TRHDE: variants seen among roughly 807,000 people sequenced by gnomAD.
TRHDE encodes the protein thyrotropin releasing hormone degrading enzyme.
In TRHDE, 72 loss-of-function variants were observed where a neutral mutation model predicts 125.7. That is an observed-to-expected ratio of 0.57 (90% confidence interval 0.47 to 0.70). TRHDE has a LOEUF of 0.70. Ranked by LOEUF, TRHDE falls within the 30% of genes least tolerant of loss-of-function variation. The probability of loss-of-function intolerance (pLI) is 0.00; values close to 1 mark genes in which losing one functional copy is unlikely to be tolerated. For missense variants in TRHDE, 1,110 were observed against 1,327.1 expected, an observed-to-expected ratio of 0.84 and a Z score of 2.54; for synonymous variants, 509 against 509.1, an observed-to-expected ratio of 1.00 and a Z score of 0.00.
At chr12:72,185,823 A>G (rs1877196526) in intron 2 of TRHDE, among the ~76,000 whole-genome samples, 1 of 151,628 alleles carries the variant, frequency 6.6e-6, no homozygotes, top group Non-Finnish European at 1.5e-5. Flanking sequence ...TTGTAAATAC[A>G]CCAATCAGCA....
chr12:72,518,123 T>C lies in TRHDE; in HGVS notation c.1722+18488T>C, dbSNP rs1161098709. ...GTGCTGAAAAAAATGTATATTCTGT[T>C]GATTTGGGGTGGAGAGTACTGTAGA... is the stretch of plus-strand genomic sequence containing the variant. On this transcript the variant is annotated intron_variant, in intron 6 of 18. Coordinates refer to ENST00000261180, the MANE Select transcript of TRHDE (RefSeq NM_013381.3). 3.3e-5 allele frequency among the ~76,000 whole-genome samples: 5 copies of C among 150,818 alleles called. 1 individual carries two copies. In the South Asian group the frequency reaches 6.3e-4, roughly 19 times the overall value.
At chr12:72,457,870 T>A (rs770914286) in intron 3 of TRHDE, among the ~76,000 whole-genome samples, 10 of 152,202 alleles carry the variant, frequency 6.6e-5, no homozygotes, top group Non-Finnish European at 1.3e-4. Context: ...TTTCAAGAGT[T>A]AGGAATGGTC....
intron 2 of TRHDE, among the ~76,000 whole-genome samples, chr12:72,151,971 G>A (rs1297346766): frequency 6.6e-6 from 1 of 150,450 alleles, no homozygotes; most frequent in Non-Finnish European, 1.5e-5. Context: ...CATTGAATCT[G>A]TAAATTACCT....
At chr12:72,245,905 T>G (rs1292715725) in intron 2 of TRHDE, among the ~76,000 whole-genome samples, 1 of 152,136 alleles carries the variant, frequency 6.6e-6, no homozygotes, top group Non-Finnish European at 1.5e-5. Context: ...TTTATACAAC[T>G]GGGAGTATAG....
At chr12:72,364,637 A>G (rs537236432) in intron 2 of TRHDE, among the ~76,000 whole-genome samples, 30 of 152,184 alleles carry the variant, frequency 2.0e-4, no homozygotes, top group African/African-American at 7.0e-4. Flanking sequence ...GAGGGATGCC[A>G]GCATTATTAA....
chr12:72,577,851 T>C (rs1457647947), intron 12 of TRHDE, among the ~76,000 whole-genome samples: 1 of 152,164 alleles, frequency 6.6e-6, no homozygotes, highest in African/African-American at 2.4e-5. Context: ...TCATGATCAT[T>C]TGTATAAATT....
At chr12:72,449,998 T>C (rs148948469) in intron 3 of TRHDE, among the ~76,000 whole-genome samples, 15 of 152,126 alleles carry the variant, frequency 9.9e-5, no homozygotes, top group Admixed American at 9.2e-4. Context: ...GTGTGGTCTA[T>C]GCTTCTTTGT....
intron 3 of TRHDE, 152 bp downstream of exon 3, chr12:72,378,273 T>A (rs1044812312): frequency 2.9e-6 from 2 of 685,554 alleles, no homozygotes; most frequent in Non-Finnish European, 2.2e-6. Flanking sequence ...TTTGAAGAGG[T>A]AAAATAAGAT....
chr12:72,473,405 T>C (rs1222738856), intron 5 of TRHDE, among the ~76,000 whole-genome samples: 1 of 152,154 alleles, frequency 6.6e-6, no homozygotes, highest in Non-Finnish European at 1.5e-5. Flanking sequence ...AATGCCACAA[T>C]TTACCTGAAT....
At chr12:72,464,264 G>A (rs1459338270) in intron 3 of TRHDE, among the ~76,000 whole-genome samples, 1 of 152,192 alleles carries the variant, frequency 6.6e-6, no homozygotes, top group Non-Finnish European at 1.5e-5. Flanking sequence ...TAGAGTAAGT[G>A]TCTTAGTCCA....
At chr12:72,291,120 G>C in intron 2 of TRHDE, among the ~76,000 whole-genome samples, 1 of 152,178 alleles carries the variant, frequency 6.6e-6, no homozygotes, top group Non-Finnish European at 1.5e-5. Flanking sequence ...TGAGGTCCAG[G>C]CCTCACCATC....
chr12:72,304,801 G>C (rs761608476), intron 2 of TRHDE, among the ~76,000 whole-genome samples: 48 of 152,140 alleles, frequency 3.2e-4, no homozygotes, highest in Admixed American at 1.2e-3. Context: ...GATGTTTTAG[G>C]AAATTATTAA....
At chr12:72,124,138 G>C (rs1475497409) in intron 2 of TRHDE, among the ~76,000 whole-genome samples, 1 of 152,102 alleles carries the variant, frequency 6.6e-6, no homozygotes, top group Admixed American at 6.6e-5. Flanking sequence ...CTAATTCGTA[G>C]TGCCTCTGAA....
chr12:72,100,119 G>C (rs980848488), intron 1 of TRHDE, among the ~76,000 whole-genome samples: 3 of 151,952 alleles, frequency 2.0e-5, no homozygotes, highest in Admixed American at 2.0e-4. Flanking sequence ...AGATTCTCAG[G>C]GTAAAAATCT....
At chr12:72,161,712 G>T (rs1876642284) in intron 2 of TRHDE, among the ~76,000 whole-genome samples, 1 of 152,186 alleles carries the variant, frequency 6.6e-6, no homozygotes, top group South Asian at 2.1e-4. Flanking sequence ...CAGAAGTATA[G>T]GGAGAGGATT....
intron 2 of TRHDE, among the ~76,000 whole-genome samples, chr12:72,202,120 A>G (rs1877571720): frequency 6.6e-6 from 1 of 152,154 alleles, no homozygotes; most frequent in African/African-American, 2.4e-5. Flanking sequence ...GATGACTGAA[A>G]TCAGATTTTG....
intron 3 of TRHDE, among the ~76,000 whole-genome samples, chr12:72,440,617 T>C (rs1312183199): frequency 6.6e-6 from 1 of 151,970 alleles, no homozygotes; most frequent in Admixed American, 6.6e-5. Context: ...TATATATCCA[T>C]ATCAGCATAC....
intron 2 of TRHDE, among the ~76,000 whole-genome samples, chr12:72,230,344 C>T (rs180984777): frequency 3.1e-3 from 465 of 152,200 alleles, no homozygotes; most frequent in African/African-American, 0.011. Context: ...AAGCAGCTGT[C>T]GTAACAGTTG....
intron 2 of TRHDE, among the ~76,000 whole-genome samples, chr12:72,152,946 G>T: frequency 6.6e-6 from 1 of 152,098 alleles, no homozygotes. Flanking sequence ...TTTTTCTATT[G>T]ATTGGAATAG....
Sources: gnomAD v4.1 joint callset for allele counts (sites outside exome capture counted in the v4.1 genomes callset) on GRCh38, gnomAD v4.1.1 for gene constraint, MANE v1.5 for transcripts, NCBI Gene and HGNC (gene_info 2026-07-23, HGNC 2026-07-21) for gene names.